The following NFKB1 variants were observed in gnomAD, a reference collection of about 807,000 sequenced individuals.
The protein encoded by NFKB1 is nuclear factor NF-kappa-B p105 subunit.
A neutral mutation model predicts 105.1 loss-of-function variants in NFKB1; 9 were observed. That is an observed-to-expected ratio of 0.09 (90% CI 0.05 to 0.15). The LOEUF (loss-of-function observed/expected upper bound fraction) is 0.15, where lower values mean the gene tolerates loss of function less well. Ranked by LOEUF, NFKB1 falls within the 10% of genes least tolerant of loss-of-function variation. NFKB1 has a pLI of 1.00. For missense variants in NFKB1, 830 were observed against 1,203.7 expected, an observed-to-expected ratio of 0.69 and a Z score of 4.59; for synonymous variants, 440 against 442.2, an observed-to-expected ratio of 1.00 and a Z score of 0.06.
intron 22 of NFKB1, 138 bp from the exon 23 acceptor site, chr4:102,613,287 T>C: frequency 1.2e-6 from 1 of 835,284 alleles, no homozygotes; most frequent in Non-Finnish European, 1.9e-6. Context: ...TAGTCGCTCT[T>C]CTCTGCCCTT....
At position 102,616,618 on chromosome 4, in the gene NFKB1, T is replaced by C. The variant is rs753565126; in HGVS notation, c.*24T>C. 6.2e-7 allele frequency: 1 copy of C among 1,609,610 alleles called. No homozygotes were observed. Among genetic ancestry groups the C allele is most frequent in the Non-Finnish European group, 8.5e-7 (1 of 1,177,186 alleles). The stretch of plus-strand genomic sequence containing the variant: ...AGCCTGCTGACAATTTCCCACACCG[T>C]GTAAACCAAAGCCCTAAAATTCCAC... On this transcript the variant is annotated 3_prime_UTR_variant, in exon 24 of 24. Transcript: ENST00000226574.
chr4:102,579,051 A>G lies in NFKB1; in HGVS notation c.730+12A>G, dbSNP rs201598184. 3.7e-6 allele frequency: 6 copies of G among 1,609,054 alleles called. No homozygotes were observed. In the East Asian group the frequency reaches 1.3e-4, roughly 36 times the overall value. On this transcript the variant is annotated intron_variant, in intron 8 of 23. Coordinates refer to ENST00000226574, the MANE Select transcript of NFKB1 (RefSeq NM_003998.4). Reference sequence around the variant, plus strand: ...CATCTATGACAGTAGTGAGTACTTCACTTCCAACAGGGGGCACACCAAGAA... The same window carrying G: ...CATCTATGACAGTAGTGAGTACTTCGCTTCCAACAGGGGGCACACCAAGAA...
intron 11 of NFKB1, among the ~76,000 whole-genome samples, chr4:102,588,007 T>A (rs900125200): frequency 1.3e-5 from 2 of 152,162 alleles, no homozygotes; most frequent in Non-Finnish European, 2.9e-5. Flanking sequence ...CCCTATCTCA[T>A]TGCCTAATTT....
chr4:102,581,753 A>G (rs1578791983), intron 9 of NFKB1, among the ~76,000 whole-genome samples: 1 of 152,204 alleles, frequency 6.6e-6, no homozygotes, highest in South Asian at 2.1e-4. Flanking sequence ...CTGGGTGTAC[A>G]TACTGTGAGT....
At chr4:102,610,120 A>G (rs759531599) in intron 19 of NFKB1, among the ~76,000 whole-genome samples, 1 of 152,242 alleles carries the variant, frequency 6.6e-6, no homozygotes, top group African/African-American at 2.4e-5. Context: ...TGCTGTCACT[A>G]GACATCAAGC....
At chr4:102,506,882 T>A (rs1739448542) in intron 1 of NFKB1, among the ~76,000 whole-genome samples, 1 of 151,532 alleles carries the variant, frequency 6.6e-6, no homozygotes, top group Non-Finnish European at 1.5e-5. Flanking sequence ...TACATATATA[T>A]GTAACTAATG....
chr4:102,613,733 C>A, intron 23 of NFKB1, 152 bp downstream of exon 23: 1 of 912,736 alleles, frequency 1.1e-6, no homozygotes, highest in Non-Finnish European at 1.6e-6. Flanking sequence ...TCACCCTCTG[C>A]CTCTCTTGAT....
rs72696141 is a variant in NFKB1 at position 102,518,847 on chromosome 4, G to T, written c.-7-6665G>T. Among the ~76,000 whole-genome samples, 994 of 152,306 alleles carry T rather than the reference G, an allele frequency of 6.5e-3. 3 individuals are homozygous for T. The highest frequency in any genetic ancestry group is 7.8e-3 in the Non-Finnish European group (533 of 68,020). On this transcript the variant is annotated intron_variant, in intron 1 of 23. Transcript: ENST00000226574. ...GCTCCACATGGTCTTTGATTTTCCA[G>T]TGGCTGGTGCAGGCTTGTTTGCATG...
intron 1 of NFKB1, among the ~76,000 whole-genome samples, chr4:102,522,490 C>T (rs1012813413): frequency 2.6e-5 from 4 of 152,134 alleles, no homozygotes; most frequent in African/African-American, 9.7e-5. Flanking sequence ...TTTAATTTGG[C>T]AGTTGGGTGC....
At chr4:102,537,453 T>C (rs988348920) in intron 4 of NFKB1, 5 of 154,286 alleles carry the variant, frequency 3.2e-5, no homozygotes, top group African/African-American at 1.2e-4. Flanking sequence ...TGTCTTTAAG[T>C]AAGAGTCAAG....
chr4:102,601,858 C>G (rs767606272), intron 16 of NFKB1, among the ~76,000 whole-genome samples: 2 of 152,174 alleles, frequency 1.3e-5, no homozygotes, highest in African/African-American at 4.8e-5. Flanking sequence ...CCCCTGATTG[C>G]TTTTCCCACC....
At chr4:102,559,846 G>A (rs1723257608) in intron 5 of NFKB1, among the ~76,000 whole-genome samples, 1 of 151,404 alleles carries the variant, frequency 6.6e-6, no homozygotes, top group Non-Finnish European at 1.5e-5. Context: ...GGCTGAGGCA[G>A]GAAGATTGCC....
At chr4:102,506,693 G>A (rs905338194) in intron 1 of NFKB1, among the ~76,000 whole-genome samples, 1 of 152,008 alleles carries the variant, frequency 6.6e-6, no homozygotes, top group African/African-American at 2.4e-5. Context: ...CCCTGTCCTA[G>A]TGTCATTGTG....
chr4:102,585,476 G>A (rs1725636592), intron 11 of NFKB1, among the ~76,000 whole-genome samples: 1 of 152,178 alleles, frequency 6.6e-6, no homozygotes, highest in African/African-American at 2.4e-5. Context: ...AATCAGGCTT[G>A]CTGTTTAGGA....
intron 5 of NFKB1, among the ~76,000 whole-genome samples, chr4:102,551,347 GGT>G (rs199492662): frequency 5.0e-4 from 70 of 139,026 alleles, no homozygotes; most frequent in Admixed American, 3.4e-3. Context: ...ATTCTAAATT[GGT>G]GTGTGTGTGT....
chr4:102,593,880 G>T, intron 12 of NFKB1, among the ~76,000 whole-genome samples: 1 of 151,806 alleles, frequency 6.6e-6, no homozygotes, highest in Admixed American at 6.6e-5. Context: ...GTTTTTGTTT[G>T]GAAACATTGA....
At chr4:102,549,998 T>C (rs1219949186) in intron 5 of NFKB1, among the ~76,000 whole-genome samples, 2 of 152,212 alleles carry the variant, frequency 1.3e-5, no homozygotes, top group Non-Finnish European at 2.9e-5. Flanking sequence ...ATAATTGTTA[T>C]AAATTTGTGA....
At chr4:102,579,113 C>A in intron 8 of NFKB1, 74 bp downstream of exon 8, 1 of 1,484,558 alleles carries the variant, frequency 6.7e-7, no homozygotes. Flanking sequence ...TACTTGCTAG[C>A]TGAGTCCTGG....
chr4:102,615,582 G>T (rs893673164), intron 23 of NFKB1, among the ~76,000 whole-genome samples: 2 of 151,980 alleles, frequency 1.3e-5, no homozygotes, highest in Admixed American at 6.5e-5. Flanking sequence ...TATTAAAAAA[G>T]AAAAAAAGCA....
Sources: allele counts gnomAD v4.1 joint callset (sites outside exome capture counted in the v4.1 genomes callset), GRCh38; gene constraint gnomAD v4.1.1; transcripts MANE v1.5; gene names NCBI Gene and HGNC (gene_info 2026-07-23, HGNC 2026-07-21).